Variants in MREG observed in about 807,000 individuals in gnomAD.
MREG encodes melanoregulin, also known as dilute suppressor protein homolog.
In MREG, 31 loss-of-function variants were observed where a neutral mutation model predicts 28.5. That is an observed-to-expected ratio of 1.09 (90% CI 0.82 to 1.47). MREG has a LOEUF of 1.47. Ranked by LOEUF, MREG falls within the 40% of genes most tolerant of loss-of-function variation. The probability of loss-of-function intolerance (pLI) is 0.00; values close to 1 mark genes in which losing one functional copy is unlikely to be tolerated. For missense variants in MREG, 256 were observed against 257.4 expected (o/e 0.99, Z 0.04); for synonymous variants, 106 against 95.2 (o/e 1.11, Z -0.66).
rs1468720848 is a variant in MREG at position 215,943,502 on chromosome 2, A to C, written c.*1361T>G. 2.2e-6 allele frequency: 1 copy of C among 456,686 alleles called. No individual in the cohort carries two copies. The highest frequency in any genetic ancestry group is 6.9e-5 in the East Asian group (1 of 14,392). The allele number at this position is 456,686 out of a possible 1,614,324, so 28.3% of individuals were successfully genotyped here. ...AAACAGATGAAAGAGGAGAGAAGAA[A>C]ACAGAGGTCAAACACTTCAGTTTAC... On this transcript the variant is annotated 3_prime_UTR_variant, in exon 5 of 5. Transcript: ENST00000263268.
intron 2 of MREG, among the ~76,000 whole-genome samples, chr2:215,955,034 T>C (rs1336275395): frequency 6.6e-6 from 1 of 152,228 alleles, no homozygotes; most frequent in Non-Finnish European, 1.5e-5. Context: ...AATACATTTA[T>C]ATGATTCAAA....
At chr2:216,033,577 T>G (rs1317154018), upstream of MREG, 1 of 152,078 alleles carries the variant, frequency 6.6e-6, no homozygotes, top group Non-Finnish European at 1.5e-5. Context: ...CAGCAAAGGG[T>G]GGCCTCAGTC....
At chr2:215,993,854 T>C (rs921245843) in intron 2 of MREG, among the ~76,000 whole-genome samples, 2 of 152,104 alleles carry the variant, frequency 1.3e-5, no homozygotes, top group Non-Finnish European at 2.9e-5. Context: ...AAATCAAAAC[T>C]ACAATGAGAT....
intron 2 of MREG, among the ~76,000 whole-genome samples, chr2:215,959,595 G>C (rs1229342713): frequency 2.0e-5 from 3 of 152,164 alleles, no homozygotes; most frequent in African/African-American, 7.2e-5. Context: ...TTCCCTCCCT[G>C]AAAACTTCAG....
rs1330408356 is a variant in MREG at position 215,942,945 on chromosome 2, T to C, written c.*1918A>G. ...GCACTAAATATAAAAAATAAAACTT[T>C]TAGCTTGCTTATTAAACTAGGAAGA... On this transcript the variant is annotated 3_prime_UTR_variant, in exon 5 of 5. Transcript: ENST00000263268. 2.6e-5 allele frequency: 4 copies of C among 152,806 alleles called. No individual in the cohort carries two copies. Among genetic ancestry groups the C allele is most frequent in the African/African-American group, 9.7e-5 (4 of 41,448 alleles). The allele number at this position is 152,806 out of a possible 1,614,324, so 9.5% of individuals were successfully genotyped here.
chr2:215,939,595 A>C (rs1043837498), downstream of MREG: 8 of 152,230 alleles, frequency 5.3e-5, no homozygotes, highest in African/African-American at 1.9e-4. Context: ...TAAAAAACAA[A>C]TGGAGCTCTA....
At chr2:215,982,565 C>A (rs1205330337) in intron 2 of MREG, among the ~76,000 whole-genome samples, 1 of 152,182 alleles carries the variant, frequency 6.6e-6, no homozygotes, top group Admixed American at 6.5e-5. Context: ...AAACCAGTCA[C>A]TCCATGACTC....
chr2:216,022,517 T>C (rs551287603), intron 1 of MREG, among the ~76,000 whole-genome samples: 47 of 152,296 alleles, frequency 3.1e-4, no homozygotes, highest in Admixed American at 2.1e-3. Context: ...ATATTCCCAC[T>C]TTAATTATAT....
At chr2:216,031,299 TGG>T (rs1694685746) in intron 1 of MREG, among the ~76,000 whole-genome samples, 1 of 151,642 alleles carries the variant, frequency 6.6e-6, no homozygotes, top group Non-Finnish European at 1.5e-5. Flanking sequence ...CCCAGCTACT[TGG>T]GAGGCTGAGA....
Position 215,997,004 on chromosome 2 carries a change from C to T in MREG, c.96-539G>A, listed in dbSNP as rs1693892160. On this transcript the variant is annotated intron_variant, in intron 1 of 4. Coordinates refer to ENST00000263268, the MANE Select transcript of MREG (RefSeq NM_018000.3). ...CCATGTTGGTCAGGCTGGTCTTGAA[C>T]TCTTGGCCTCAAGTGATCTGTCCAC... 2.0e-5 allele frequency among the ~76,000 whole-genome samples: 3 copies of T among 152,150 alleles called. No individual in the cohort carries two copies. In the South Asian group the frequency reaches 6.2e-4, roughly 31 times the overall value.
chr2:216,015,123 G>GTGTGTGGGCGCGTGCATGTGCGCGCA (rs1694416414), upstream of MREG, among the ~76,000 whole-genome samples: 2 of 147,524 alleles, frequency 1.4e-5, no homozygotes, highest in African/African-American at 5.2e-5. Context: ...GTGCACGCGT[G>GTGTGTGGGCGCGTGCATGTGCGCGCA]TGTGTGCGCG....
chr2:215,961,206 CA>C (rs1352107778), intron 2 of MREG, among the ~76,000 whole-genome samples: 1 of 152,230 alleles, frequency 6.6e-6, no homozygotes, highest in Non-Finnish European at 1.5e-5. Context: ...TAACTCCCAA[CA>C]ATGGTTGGCT....
chr2:215,954,032 T>C (rs576924511), intron 2 of MREG, among the ~76,000 whole-genome samples: 1 of 152,306 alleles, frequency 6.6e-6, no homozygotes, highest in South Asian at 2.1e-4. Context: ...GACACAGATA[T>C]AACAGCAGCC....
At chr2:215,994,480 G>GC (rs764729862) in intron 2 of MREG, among the ~76,000 whole-genome samples, 5 of 151,658 alleles carry the variant, frequency 3.3e-5, no homozygotes, top group Admixed American at 6.6e-5. Flanking sequence ...GTTGATGGGT[G>GC]AGCAAACCAC....
At chr2:215,972,617 GAAAAAAA>G (rs34332971) in intron 2 of MREG, among the ~76,000 whole-genome samples, 4 of 103,668 alleles carry the variant, frequency 3.9e-5, no homozygotes, top group Admixed American at 1.0e-4. Flanking sequence ...CTCTCTCCCA[GAAAAAAA>G]AAAAAAAAAA....
chr2:216,017,112 ATG>A (rs1331994916), upstream of MREG, among the ~76,000 whole-genome samples: 1 of 152,076 alleles, frequency 6.6e-6, no homozygotes, highest in Non-Finnish European at 1.5e-5. Flanking sequence ...ATAAACACAT[ATG>A]TGTACTTGTG....
intron 2 of MREG, among the ~76,000 whole-genome samples, chr2:215,953,670 A>G (rs1692542941): frequency 6.6e-6 from 1 of 152,228 alleles, no homozygotes; most frequent in Non-Finnish European, 1.5e-5. Flanking sequence ...AATCACAGAG[A>G]TATAGAGCCT....
At chr2:215,979,472 AT>A (rs1559184957) in intron 2 of MREG, among the ~76,000 whole-genome samples, 6,788 of 98,512 alleles carry the variant, frequency 0.069, 435 homozygotes, top group African/African-American at 0.19. Context: ...TCAAAAAATA[AT>A]AATAATAATA....
intron 2 of MREG, among the ~76,000 whole-genome samples, chr2:215,952,000 T>C (rs1692500551): frequency 6.6e-6 from 1 of 152,232 alleles, no homozygotes; most frequent in South Asian, 2.1e-4. Flanking sequence ...ATTCCACATA[T>C]AAGTGAGATC....
Sources: allele counts gnomAD v4.1 joint callset (sites outside exome capture counted in the v4.1 genomes callset), GRCh38; gene constraint gnomAD v4.1.1; transcripts MANE v1.5; gene names NCBI Gene and HGNC (gene_info 2026-07-23, HGNC 2026-07-21).